The following MMP14 variants were observed in gnomAD, a reference collection of about 807,000 sequenced individuals.
The protein encoded by MMP14 is matrix metallopeptidase 14, also known as matrix metalloproteinase-14.
A neutral mutation model predicts 64.8 loss-of-function variants in MMP14; 13 were observed. That is an observed-to-expected ratio of 0.20 (90% CI 0.13 to 0.32). MMP14 has a LOEUF of 0.32. MMP14 is among the 10% of genes least tolerant of loss of function. The pLI is 1.00. For missense variants in MMP14, 594 were observed against 783.8 expected (o/e 0.76, Z 2.89); for synonymous variants, 322 against 315.9 (o/e 1.02, Z -0.20).
At chr14:22,845,137 T>G (rs1364438040) in intron 8 of MMP14, 114 bp from the exon 9 acceptor site, 9 of 666,122 alleles carry the variant, frequency 1.4e-5, no homozygotes, top group South Asian at 8.8e-5. Context: ...TCAAAACCCC[T>G]GTCCCCACCC....
chr14:22,838,508 A>G (rs890804258), intron 1 of MMP14, among the ~76,000 whole-genome samples: 1 of 152,010 alleles, frequency 6.6e-6, no homozygotes, highest in East Asian at 1.9e-4. Context: ...CCTCCCCTGG[A>G]CCCCTAAGCC....
At chr14:22,838,031 ACT>A (rs2039747396) in intron 1 of MMP14, among the ~76,000 whole-genome samples, 1 of 151,804 alleles carries the variant, frequency 6.6e-6, no homozygotes, top group African/African-American at 2.4e-5. Context: ...CCCGGAGAAA[ACT>A]CTTTGGAAAG....
intron 1 of MMP14, among the ~76,000 whole-genome samples, chr14:22,839,999 C>T (rs892592033): frequency 3.1e-5 from 4 of 128,262 alleles, no homozygotes; most frequent in African/African-American, 6.2e-5. Flanking sequence ...GACAGAGTCT[C>T]GCTCTGTCAC....
intron 1 of MMP14, among the ~76,000 whole-genome samples, chr14:22,840,664 G>A (rs1296157981): frequency 2.0e-5 from 3 of 151,844 alleles, no homozygotes; most frequent in East Asian, 1.9e-4. Context: ...GCCCGCCACC[G>A]TGCCCGGCTA....
chr14:22,846,106 G>C lies in MMP14; in HGVS notation c.*67G>C. 7.2e-7 allele frequency: 1 copy of C among 1,389,406 alleles called. No individual in the cohort carries two copies. Among genetic ancestry groups the C allele is most frequent in the Non-Finnish European group, 9.5e-7 (1 of 1,054,078 alleles). The allele number at this position is 1,389,406 out of a possible 1,614,324, so 86.1% of individuals were successfully genotyped here. ...CCTCTGAAGGCCAGTGGCAGCAGGT[G>C]GTGGTGGGTGGGCTGTTCCCATCGT... On this transcript the variant is annotated 3_prime_UTR_variant, in exon 10 of 10. Transcript: ENST00000311852.
rs747968435 is a variant in MMP14, at chr14:22,844,652, T to G, written c.1173T>G (p.Asp391Glu). ...CAGGAGACAAGCATTGGGTGTTTGATGAGGCGTCCCTGGAACCTGGCTACC... is the reference window on the plus strand; with the variant it reads ...CAGGAGACAAGCATTGGGTGTTTGAGGAGGCGTCCCTGGAACCTGGCTACC... ...FFKGDKHWVF[D>E]EASLEPGYPK... The change falls in exon 8 of 10, where the codon GAT becomes GAG. Residue 391 changes from aspartate to glutamate, a missense_variant. Around this residue, in one of 4 missense-constraint regions of MMP14, gnomAD observed 364 missense variants for 425.2 expected, o/e 0.86. Coordinates refer to ENST00000311852, the MANE Select transcript of MMP14 (RefSeq NM_004995.4). 3.1e-6 allele frequency: 5 copies of G among 1,614,098 alleles called. No individual in the cohort carries two copies. In the East Asian group the frequency reaches 1.1e-4, roughly 36 times the overall value.
intron 6 of MMP14, 74 bp from the exon 7 acceptor site, chr14:22,844,297 G>A: frequency 6.3e-7 from 1 of 1,585,668 alleles, no homozygotes; most frequent in South Asian, 1.1e-5. Context: ...CAGCAGTGCG[G>A]GAGCTTTGGG....
At position 22,836,803 on chromosome 14, in the gene MMP14, C is replaced by T; in HGVS notation, c.-15C>T. The T allele has an allele frequency of 1.9e-6, 3 of 1,555,622 alleles. No individual in the cohort carries two copies. The highest frequency in any genetic ancestry group is 2.3e-5 in the East Asian group (1 of 43,750). Reference sequence around the variant, plus strand: ...CGGAGCCCACACTGCCCGGCTGACCCGGTGGTCTCGGACCATGTCTCCCGC... The same window carrying T: ...CGGAGCCCACACTGCCCGGCTGACCTGGTGGTCTCGGACCATGTCTCCCGC... On this transcript the variant is annotated 5_prime_UTR_variant, in exon 1 of 10. Coordinates refer to ENST00000311852, the MANE Select transcript of MMP14 (RefSeq NM_004995.4).
chr14:22,838,820 T>A (rs751000302), intron 1 of MMP14, among the ~76,000 whole-genome samples: 1 of 152,134 alleles, frequency 6.6e-6, no homozygotes, highest in African/African-American at 2.4e-5. Flanking sequence ...TTCGACCTCA[T>A]AGTCTCTGTG....
rs748280620 is a variant in MMP14 at position 22,842,374 on chromosome 14, C to T, written c.381-36C>T. The T allele has an allele frequency of 6.3e-6, 10 of 1,583,964 alleles. No homozygotes were observed. In the South Asian group the frequency reaches 1.1e-4, roughly 17 times the overall value. ...AGAATGTTGCCCCTCTTTATCCTAA[C>T]ACACCCCATCCTCTCCCCACGTGGC... On this transcript the variant is annotated intron_variant, in intron 3 of 9. Transcript: ENST00000311852. The surrounding 1 kb of genome is among the most constrained non-coding windows in gnomAD (Gnocchi z 5.3).
Position 22,845,919 on chromosome 14 carries a change from G to A in MMP14, c.1629G>A (p.Val543=). 6.2e-7 allele frequency: 1 copy of A among 1,605,768 alleles called. No homozygotes were observed. The highest frequency in any genetic ancestry group is 8.5e-7 in the Non-Finnish European group (1 of 1,175,890). The change falls in exon 10 of 10, where the codon GTG becomes GTA. Residue 543 remains valine, a synonymous_variant. Coordinates refer to ENST00000311852, the MANE Select transcript of MMP14 (RefSeq NM_004995.4). ...GGGAVSAAAV[V]LPVLLLLLVL... ...GGGCGGTGAGCGCGGCTGCCGTGGT[G>A]CTGCCCGTGCTGCTGCTGCTCCTGG...
rs1042703 is a variant in MMP14, at chr14:22,836,839, C to T, written c.22C>T (p.Pro8Ser). 0.84 allele frequency: 1,360,146 copies of T among 1,611,232 alleles called. 575,345 individuals are homozygous for T. Among genetic ancestry groups the T allele is most frequent in the East Asian group, 1 (44,745 of 44,804 alleles). MSPAPRP[P>S]RCLLLPLLTL... is the part of the protein sequence containing the mutation. ...GACCATGTCTCCCGCCCCAAGACCC[C>T]CCCGTTGTCTCCTGCTCCCCCTGCT... is the stretch of plus-strand genomic sequence containing the variant. The change falls in exon 1 of 10, where the codon CCC becomes TCC. Residue 8 changes from proline to serine, a missense_variant. Transcript: ENST00000311852.
At position 22,843,863 on chromosome 14, in the gene MMP14, T is replaced by A. The variant is rs774156868; in HGVS notation, c.1004T>A (p.Val335Asp). 6.2e-7 allele frequency: 1 copy of A among 1,610,770 alleles called. No homozygotes were observed. The highest frequency in any genetic ancestry group is 1.1e-5 in the South Asian group (1 of 90,568). Residue 335 changes from valine to aspartate, a missense_variant, in exon 6 of 10, where the codon GTC becomes GAC. By Grantham distance (152) the Val-to-Asp change is radical. Transcript: ENST00000311852. The surrounding 1 kb of genome is among the most constrained non-coding windows in gnomAD (Gnocchi z 4.8). ...TVAMLRGEMF[V>D]FKERWFWRVR... ...GCCATGCTCCGAGGGGAGATGTTTG[T>A]CTTCAAGGTGAGAAGAAGTGGGCTG...
intron 9 of MMP14, 130 bp downstream of exon 9, chr14:22,845,496 G>A: frequency 1.2e-6 from 1 of 850,722 alleles, no homozygotes; most frequent in East Asian, 2.6e-5. Flanking sequence ...ACCAGGCGCT[G>A]GGCTAGGTGC....
In MMP14 at chr14:22,836,886, C is replaced by T. The variant is rs777657516; in HGVS notation, c.69C>T (p.Ala23=). The change falls in exon 1 of 10, where the codon GCC becomes GCT. Residue 23 remains alanine (A), a synonymous_variant. Transcript: ENST00000311852. ...TGCTCACGCTCGGCACCGCGCTCGC[C>T]TCCCTCGGCTCGGCCCAAAGCAGCA... The part of the protein sequence containing the change: ...LPLLTLGTAL[A]SLGSAQSSSF... The T allele has an allele frequency of 1.6e-5, 26 of 1,613,724 alleles. No homozygotes were observed. The East Asian group carries it at 2.9e-4, about 18-fold the overall frequency.
At chr14:22,844,022 C>T in intron 6 of MMP14, 152 bp downstream of exon 6, 1 of 1,014,050 alleles carries the variant, frequency 9.9e-7, no homozygotes, top group South Asian at 1.6e-5. Context: ...ATAGTGAAAC[C>T]CCGTCTCTAC....
At position 22,846,030 on chromosome 14, in the gene MMP14, C is replaced by A; in HGVS notation, c.1740C>A (p.Asp580Glu). 1 of 1,489,654 alleles carries A rather than the reference C, an allele frequency of 6.7e-7. No homozygotes were observed. Among genetic ancestry groups the A allele is most frequent in the Non-Finnish European group, 9.0e-7 (1 of 1,116,790 alleles). The allele number at this position is 1,489,654 out of a possible 1,614,324, so 92.3% of individuals were successfully genotyped here. Residue 580 changes from aspartate to glutamate, a missense_variant, in exon 10 of 10, where the codon GAC becomes GAA. Physicochemically the swap from Asp to Glu is conservative, Grantham distance 45. This residue lies in a region of MMP14 where 364 missense variants were observed against 425.2 expected (regional missense o/e 0.86). Transcript: ENST00000311852. ...TCTACTGCCAGCGTTCCCTGCTGGA[C>A]AAGGTCTGACGCCCACCGCCGGCCC... ...RLLYCQRSLL[D>E]KV
intron 1 of MMP14, among the ~76,000 whole-genome samples, chr14:22,838,085 G>A (rs999238520): frequency 6.6e-6 from 1 of 152,190 alleles, no homozygotes; most frequent in South Asian, 2.1e-4. Context: ...GTCTGGGGCC[G>A]ACTGGAAAAG....
chr14:22,841,726 G>A, intron 2 of MMP14, 87 bp downstream of exon 2: 2 of 1,575,750 alleles, frequency 1.3e-6, no homozygotes, highest in East Asian at 2.3e-5. Context: ...TGCCTGGCTT[G>A]TGCACCCCAC....
Sources: allele counts gnomAD v4.1 joint callset (sites outside exome capture counted in the v4.1 genomes callset), GRCh38; gene constraint gnomAD v4.1.1; regional missense constraint gnomAD v4.1.1; non-coding constraint Gnocchi (gnomAD v3.1); transcripts MANE v1.5; gene names NCBI Gene and HGNC (gene_info 2026-07-23, HGNC 2026-07-21).